The following RMND5B variants were observed in gnomAD, a reference collection of about 807,000 sequenced individuals.
RMND5B encodes E3 ubiquitin-protein transferase RMND5B.
RMND5B carries 42 observed loss-of-function variants against 50.4 expected under a neutral mutation model. The ratio of observed to expected loss-of-function variants is 0.83; its 90% CI spans 0.65 to 1.08. The LOEUF (loss-of-function observed/expected upper bound fraction) is 1.08, where lower values mean the gene tolerates loss of function less well. Ranked by LOEUF, RMND5B falls within the 50% of genes least tolerant of loss-of-function variation. RMND5B has a pLI of 0.00. For missense variants in RMND5B, 463 were observed against 508.5 expected, an observed-to-expected ratio of 0.91 and a Z score of 0.86; for synonymous variants, 220 against 210.0, an observed-to-expected ratio of 1.05 and a Z score of -0.41.
Position 178,138,690 on chromosome 5 carries a change from A to G in RMND5B, c.139+432A>G, listed in dbSNP as rs1439292966. ...ATTTTTAGCTTTTAAGATTTTAAAG[A>G]TAATTTCAAATTTACAGACCAATTC... On this transcript the variant is annotated intron_variant, in intron 3 of 10. Transcript: ENST00000313386. The surrounding 1 kb of genome is among the most constrained non-coding windows in gnomAD (Gnocchi z 5.1). Among the ~76,000 whole-genome samples the G allele has an allele frequency of 6.6e-6, 1 of 152,122 alleles. No individual in the cohort carries two copies. The highest frequency in any genetic ancestry group is 1.5e-5 in the Non-Finnish European group (1 of 68,034).
chr5:178,147,580 C>CTG lies in RMND5B; in HGVS notation c.911_912dup (p.Ile305Ter). ...CTGCCTGTGTTGATGAACATCAAGG[C>CTG]TGTGATTGAGCAGCGGCAGTGCACT... On this transcript the variant is annotated frameshift_variant, in exon 9 of 11. Coordinates refer to ENST00000313386, the MANE Select transcript of RMND5B (RefSeq NM_022762.5). LOFTEE classifies it high-confidence loss of function. 6.2e-7 allele frequency: 1 copy of CTG among 1,614,182 alleles called. No individual in the cohort carries two copies. Among genetic ancestry groups the CTG allele is most frequent in the Non-Finnish European group, 8.5e-7 (1 of 1,180,016 alleles).
chr5:178,133,991 G>C (rs1464817776), intron 2 of RMND5B, among the ~76,000 whole-genome samples: 1 of 152,222 alleles, frequency 6.6e-6, no homozygotes, highest in Non-Finnish European at 1.5e-5. Flanking sequence ...GGGATTACAG[G>C]CGTGAGCCAC....
intron 3 of RMND5B, 179 bp from the exon 4 acceptor site, chr5:178,142,404 G>A (rs1758991404): frequency 4.2e-6 from 3 of 718,482 alleles, no homozygotes; most frequent in Non-Finnish European, 7.0e-6. Context: ...CATTTGAGCA[G>A]TTCCAAGTCA....
chr5:178,132,729 GTC>G (rs1223163776), intron 2 of RMND5B, among the ~76,000 whole-genome samples: 1 of 26,976 alleles, frequency 3.7e-5, no homozygotes, highest in Non-Finnish European at 6.9e-5. Flanking sequence ...TTGAGACCCT[GTC>G]TCTCTCTTTT....
rs1758657797 is a variant in RMND5B, at chr5:178,137,131, G to A, written c.-12-977G>A. On this transcript the variant is annotated intron_variant, in intron 2 of 10. Transcript: ENST00000313386. This position sits in a 1 kb window ranked among gnomAD's most constrained non-coding sequence, Gnocchi z 4.4. ...TAGTCGAGGAGGTAAGGGTGATGGA[G>A]AGCAGGCCAGGTGAGGAAGCAGCAT... 6.6e-6 allele frequency among the ~76,000 whole-genome samples: 1 copy of A among 152,172 alleles called. No homozygotes were observed. Among genetic ancestry groups the A allele is most frequent in the Non-Finnish European group, 1.5e-5 (1 of 68,038 alleles).
At chr5:178,139,480 T>C (rs1401833866) in intron 3 of RMND5B, among the ~76,000 whole-genome samples, 1 of 151,700 alleles carries the variant, frequency 6.6e-6, no homozygotes, top group Non-Finnish European at 1.5e-5. Flanking sequence ...GTGCTAGGAT[T>C]ATAGGTGTGA....
Position 178,147,781 on chromosome 5 carries a change from C to T in RMND5B, c.1016C>T (p.Pro339Leu). Residue 339 changes from proline (P) to leucine (L), a missense_variant, in exon 10 of 11, where the codon CCC becomes CTC. Physicochemically the swap from Pro to Leu is moderately conservative, Grantham distance 98. Coordinates refer to ENST00000313386, the MANE Select transcript of RMND5B (RefSeq NM_022762.5). ...TGGTACCACTCCGTGTTCGCTTGCCCCATCCTCCGCCAGCAGACGTCAGAT... is the reference window on the plus strand; with the variant it reads ...TGGTACCACTCCGTGTTCGCTTGCCTCATCCTCCGCCAGCAGACGTCAGAT... ...KCWYHSVFACPILRQQTSDSN... is the reference protein window; with the variant it reads ...KCWYHSVFACLILRQQTSDSN... The T allele has an allele frequency of 6.2e-6, 10 of 1,614,156 alleles. No homozygotes were observed. Among genetic ancestry groups the T allele is most frequent in the Non-Finnish European group, 6.8e-6 (8 of 1,180,028 alleles).
At position 178,149,524 on chromosome 5, in the gene RMND5B, G is replaced by A. The variant is rs1304374223; in HGVS notation, c.*1492G>A. On this transcript the variant is annotated 3_prime_UTR_variant, in exon 11 of 11. Transcript: ENST00000313386. ...CTTGGAACAGCCTTTAGTTCTACAG[G>A]AAATGGCACTGATGGACAGAAGACT... The A allele has an allele frequency of 7.8e-6, 5 of 639,950 alleles. No homozygotes were observed. Among genetic ancestry groups the A allele is most frequent in the African/African-American group, 7.4e-5 (4 of 54,192 alleles). The allele number at this position is 639,950 out of a possible 1,614,324, so 39.6% of individuals were successfully genotyped here. A position where few individuals can be genotyped will look rare whatever the true frequency, so the allele number is the denominator to read the frequency against.
chr5:178,149,843 A>G lies in RMND5B; in HGVS notation c.*1811A>G, dbSNP rs1023073784. ...GCCTGCGGCTGCACCCAGGTCCTAC[A>G]GAGGGGAAAGAAGTGCTGTTTGGAA... On this transcript the variant is annotated 3_prime_UTR_variant, in exon 11 of 11. Coordinates refer to ENST00000313386, the MANE Select transcript of RMND5B (RefSeq NM_022762.5). 1 of 1,613,286 alleles carries G rather than the reference A, an allele frequency of 6.2e-7. No homozygotes were observed. The highest frequency in any genetic ancestry group is 8.5e-7 in the Non-Finnish European group (1 of 1,179,542).
chr5:178,140,340 A>AT (rs59166409), intron 3 of RMND5B, among the ~76,000 whole-genome samples: 46,678 of 144,704 alleles, frequency 0.32, 7,855 homozygotes, highest in East Asian at 0.54. Flanking sequence ...GGCCCTGCTA[A>AT]TTTTTTTTTT....
At position 178,132,861 on chromosome 5, in the gene RMND5B, T is replaced by G. The variant is rs551373340; in HGVS notation, c.-13+1485T>G. On this transcript the variant is annotated intron_variant, in intron 2 of 10. Transcript: ENST00000313386. ...AGGTTGTCTAATCTTTTTTTTTTGT[T>G]TTTGTTTGTTTGTTTGTTTTTTTGA... is the stretch of plus-strand genomic sequence containing the variant. Among the ~76,000 whole-genome samples the G allele has an allele frequency of 4.0e-4, 52 of 130,402 alleles. No individual in the cohort carries two copies. In the South Asian group the frequency reaches 0.012, roughly 30 times the overall value. The allele number at this position is 130,402 out of a possible 152,430, so 85.5% of individuals were successfully genotyped here.
rs925890085 is a variant in RMND5B at position 178,137,756 on chromosome 5, T to A, written c.-12-352T>A. ...ATATGGATTTCTAGTTAGATAGTAT[T>A]GCCAGCTAAGGGCTCTGTGAGGCCT... On this transcript the variant is annotated intron_variant, in intron 2 of 10. Transcript: ENST00000313386. The surrounding 1 kb of genome is among the most constrained non-coding windows in gnomAD (Gnocchi z 4.4). Among the ~76,000 whole-genome samples the A allele has an allele frequency of 6.6e-6, 1 of 152,186 alleles. No homozygotes were observed. Among genetic ancestry groups the A allele is most frequent in the African/African-American group, 2.4e-5 (1 of 41,444 alleles).
At chr5:178,146,366 AGTGCTCG>A in intron 8 of RMND5B, 87 bp downstream of exon 8, 1 of 1,309,652 alleles carries the variant, frequency 7.6e-7, no homozygotes, top group Non-Finnish European at 1.1e-6. Flanking sequence ...TGCCAGGAAC[AGTGCTCG>A]GTGCTTTCAG....
At position 178,149,852 on chromosome 5, in the gene RMND5B, A is replaced by G. The variant is rs201653595; in HGVS notation, c.*1820A>G. The G allele has an allele frequency of 3.8e-4, 619 of 1,613,026 alleles. 4 individuals are homozygous for G. The African/African-American group carries it at 6.7e-3, about 17-fold the overall frequency. On this transcript the variant is annotated 3_prime_UTR_variant, in exon 11 of 11. Coordinates refer to ENST00000313386, the MANE Select transcript of RMND5B (RefSeq NM_022762.5). Reference sequence around the variant, plus strand: ...TGCACCCAGGTCCTACAGAGGGGAAAGAAGTGCTGTTTGGAAAAAAGCTGT... The same window carrying G: ...TGCACCCAGGTCCTACAGAGGGGAAGGAAGTGCTGTTTGGAAAAAAGCTGT...
At chr5:178,131,497 A>G (rs1232652343) in intron 2 of RMND5B, 121 bp downstream of exon 2, 1 of 151,898 alleles carries the variant, frequency 6.6e-6, no homozygotes. Context: ...TCCAGGGAAA[A>G]TGATGGGCTT....
intron 2 of RMND5B, among the ~76,000 whole-genome samples, chr5:178,133,895 A>T (rs1387828925): frequency 1.3e-5 from 2 of 151,684 alleles, no homozygotes; most frequent in African/African-American, 4.9e-5. Flanking sequence ...GTATTTTTTT[A>T]GTAGAGATGG....
intron 7 of RMND5B, among the ~76,000 whole-genome samples, chr5:178,145,033 A>G (rs1755916151): frequency 6.6e-6 from 1 of 152,146 alleles, no homozygotes; most frequent in Non-Finnish European, 1.5e-5. Flanking sequence ...AATAAATATG[A>G]AAACCAAGCC....
At position 178,149,585 on chromosome 5, in the gene RMND5B, TGGG is replaced by T. The variant is rs1756205794; in HGVS notation, c.*1554_*1556del. ...TCATGAAAGGGCTGTTAGAGCTGCCTGGGAAGAAGGCGTGCCTTGGGGAACTGG... is the reference window on the plus strand; with the variant it reads ...TCATGAAAGGGCTGTTAGAGCTGCCTAAGAAGGCGTGCCTTGGGGAACTGG... On this transcript the variant is annotated 3_prime_UTR_variant, in exon 11 of 11. Transcript: ENST00000313386. 4.9e-6 allele frequency: 6 copies of T among 1,234,910 alleles called. No individual in the cohort carries two copies. In the African/African-American group the frequency reaches 8.9e-5, roughly 18 times the overall value. 76.5% of individuals were successfully genotyped at this position (1,234,910 alleles called of 1,614,324 possible). A position where few individuals can be genotyped will look rare whatever the true frequency, so the allele number is the denominator to read the frequency against.
chr5:178,140,787 G>A (rs1430185724), intron 3 of RMND5B, among the ~76,000 whole-genome samples: 1 of 151,044 alleles, frequency 6.6e-6, no homozygotes, highest in Middle Eastern at 3.4e-3. Context: ...CCAAGATCGC[G>A]CCACTGCATT....
Sources: gnomAD v4.1 joint callset for allele counts (sites outside exome capture counted in the v4.1 genomes callset) on GRCh38, gnomAD v4.1.1 for gene constraint, Gnocchi (gnomAD v3.1) non-coding constraint, MANE v1.5 for transcripts, NCBI Gene and HGNC (gene_info 2026-07-23, HGNC 2026-07-21) for gene names.